SPIDR: variants seen among roughly 807,000 people sequenced by gnomAD.
SPIDR encodes scaffold protein involved in DNA repair, also known as DNA repair-scaffolding protein.
A neutral mutation model predicts 104.6 loss-of-function variants in SPIDR; 93 were observed. That is an observed-to-expected ratio of 0.89 (90% CI 0.75 to 1.06). The LOEUF (loss-of-function observed/expected upper bound fraction) is 1.06, where lower values mean the gene tolerates loss of function less well. SPIDR is among the 50% of genes least tolerant of loss of function. SPIDR has a pLI of 0.00. For synonymous variants in SPIDR, 431 were observed against 416.9 expected (o/e 1.03, Z -0.41); for missense variants, 1,154 against 1,111.2 (o/e 1.04, Z -0.55).
At chr8:47,339,152 T>C (rs1554611945) in intron 5 of SPIDR, among the ~76,000 whole-genome samples, 1 of 152,214 alleles carries the variant, frequency 6.6e-6, no homozygotes, top group Non-Finnish European at 1.5e-5. Flanking sequence ...CATTCAAGAA[T>C]TAAGATTTAA....
chr8:47,700,412 G>T lies in SPIDR; in HGVS notation c.1695G>T (p.Gly565=), dbSNP rs371043686. ...LQKVTRGRTA[G]IFSLIDTLWP... is the part of the protein sequence containing the mutation. ...ACTTTTCTTGTTCCAGGACAGCGGG[G>T]ATTTTCAGTTTGATTGACACCCTGT... The change falls in exon 12 of 20, where the codon GGG becomes GGT. Residue 565 remains glycine (G), a synonymous_variant. Coordinates refer to ENST00000297423, the MANE Select transcript of SPIDR (RefSeq NM_001080394.4). The T allele has an allele frequency of 3.1e-6, 5 of 1,614,222 alleles. No homozygotes were observed. The highest frequency in any genetic ancestry group is 4.5e-5 in the East Asian group (2 of 44,890).
chr8:47,545,653 G>C (rs2089223942), intron 8 of SPIDR, among the ~76,000 whole-genome samples: 1 of 152,066 alleles, frequency 6.6e-6, no homozygotes, highest in South Asian at 2.1e-4. Context: ...GCACTGGCTA[G>C]AACTTCCGGT....
At chr8:47,528,774 A>G (rs1404785850) in intron 8 of SPIDR, among the ~76,000 whole-genome samples, 2 of 148,864 alleles carry the variant, frequency 1.3e-5, no homozygotes, top group South Asian at 2.1e-4. Flanking sequence ...AAAAAGAGTG[A>G]AAAAAAAAAG....
At chr8:47,467,579 T>A (rs562240327) in intron 8 of SPIDR, among the ~76,000 whole-genome samples, 1 of 152,186 alleles carries the variant, frequency 6.6e-6, no homozygotes. Context: ...ATAAATGTGA[T>A]CCATTACATA....
chr8:47,533,203 T>C (rs901872756), intron 8 of SPIDR, among the ~76,000 whole-genome samples: 2 of 151,966 alleles, frequency 1.3e-5, no homozygotes, highest in Non-Finnish European at 2.9e-5. Flanking sequence ...GAAGAGTGAA[T>C]TAAATCATAA....
chr8:47,647,420 G>T (rs1208193307), intron 10 of SPIDR, among the ~76,000 whole-genome samples: 1 of 152,088 alleles, frequency 6.6e-6, no homozygotes, highest in Admixed American at 6.6e-5. Flanking sequence ...TTCGAGACCA[G>T]CCTGGCCAGC....
chr8:47,263,832 T>C (rs1279794932), intron 1 of SPIDR, among the ~76,000 whole-genome samples: 1 of 152,276 alleles, frequency 6.6e-6, no homozygotes, highest in Non-Finnish European at 1.5e-5. Context: ...TTCTGTAGTC[T>C]GTGGAATTTT....
chr8:47,278,013 C>G (rs2036905107), intron 1 of SPIDR, among the ~76,000 whole-genome samples: 1 of 152,004 alleles, frequency 6.6e-6, no homozygotes, highest in Non-Finnish European at 1.5e-5. Context: ...TTTTTAACAA[C>G]TGCAACGTTT....
intron 10 of SPIDR, among the ~76,000 whole-genome samples, chr8:47,623,225 T>TC (rs1245668708): frequency 2.6e-5 from 4 of 152,186 alleles, no homozygotes; most frequent in Middle Eastern, 3.4e-3. Flanking sequence ...CTAAAAGAGT[T>TC]CCTGAAGGAA....
At chr8:47,278,542 A>G (rs1161750535) in intron 1 of SPIDR, among the ~76,000 whole-genome samples, 2 of 151,854 alleles carry the variant, frequency 1.3e-5, no homozygotes, top group African/African-American at 4.8e-5. Flanking sequence ...GCTGCTGACT[A>G]ATTTTTCTAA....
At chr8:47,371,387 G>A (rs1179885552) in intron 5 of SPIDR, among the ~76,000 whole-genome samples, 1 of 152,072 alleles carries the variant, frequency 6.6e-6, no homozygotes, top group Non-Finnish European at 1.5e-5. Context: ...TAACCTTTTT[G>A]AGTCTCAGCT....
At chr8:47,339,881 A>G (rs563668582) in intron 5 of SPIDR, among the ~76,000 whole-genome samples, 3 of 151,880 alleles carry the variant, frequency 2.0e-5, no homozygotes, top group African/African-American at 4.8e-5. Context: ...GGGTTTCACT[A>G]TGTTGGGCAG....
At chr8:47,600,964 G>T (rs923674150) in intron 10 of SPIDR, among the ~76,000 whole-genome samples, 3 of 152,170 alleles carry the variant, frequency 2.0e-5, no homozygotes, top group Non-Finnish European at 2.9e-5. Flanking sequence ...CGTTATGAAG[G>T]CTGTCCCTCT....
rs1324169143 is a variant in SPIDR, at chr8:47,435,204, T to A, written c.878-5119T>A. On this transcript the variant is annotated intron_variant, in intron 7 of 19. Transcript: ENST00000297423. ...GTAAAGCTGGGGGGTCTCACTGTGC[T>A]GCTCAGGCTGGTCTTGAACTCCTGG... 2.0e-5 allele frequency among the ~76,000 whole-genome samples: 3 copies of A among 152,258 alleles called. No individual in the cohort carries two copies. The East Asian group carries it at 5.8e-4, about 29-fold the overall frequency.
intron 5 of SPIDR, among the ~76,000 whole-genome samples, chr8:47,356,965 G>A (rs2054671417): frequency 6.6e-6 from 1 of 152,110 alleles, no homozygotes; most frequent in South Asian, 2.1e-4. Flanking sequence ...TTTTGCATAT[G>A]GGGTAACTTG....
At chr8:47,468,692 A>G (rs1313959896) in intron 8 of SPIDR, among the ~76,000 whole-genome samples, 1 of 152,166 alleles carries the variant, frequency 6.6e-6, no homozygotes, top group Non-Finnish European at 1.5e-5. Context: ...TATAAAAATA[A>G]CTCAAGATGG....
intron 9 of SPIDR, 111 bp downstream of exon 9, chr8:47,596,117 C>G (rs1429461722): frequency 1.1e-6 from 1 of 926,854 alleles, no homozygotes; most frequent in African/African-American, 1.7e-5. Context: ...CTCCAAAAAC[C>G]CCACCACAAG....
At chr8:47,418,774 C>T (rs1459954084) in intron 7 of SPIDR, among the ~76,000 whole-genome samples, 2 of 152,052 alleles carry the variant, frequency 1.3e-5, no homozygotes, top group African/African-American at 2.4e-5. Context: ...ATAGGTCTTA[C>T]TGTTTTGAGA....
At chr8:47,284,268 C>T (rs1283718701) in intron 3 of SPIDR, among the ~76,000 whole-genome samples, 174 bp downstream of exon 3, 1 of 152,148 alleles carries the variant, frequency 6.6e-6, no homozygotes, top group Non-Finnish European at 1.5e-5. Context: ...TGTCTGTCAT[C>T]GCTGTCACCG....
Sources: gnomAD v4.1 joint callset for allele counts (sites outside exome capture counted in the v4.1 genomes callset) on GRCh38, gnomAD v4.1.1 for gene constraint, MANE v1.5 for transcripts, NCBI Gene and HGNC (gene_info 2026-07-23, HGNC 2026-07-21) for gene names.